The following VAT1L variants were observed in gnomAD, a reference collection of about 807,000 sequenced individuals.
VAT1L encodes the protein vesicle amine transport 1 like, also known as putative NADPH-dependent quinone oxidoreductase VAT1L.
Under a neutral mutation model 44.1 loss-of-function variants are expected in VAT1L, and 34 were observed. That is an observed-to-expected ratio of 0.77 (90% CI 0.59 to 1.03). The LOEUF is 1.03. Among genes scored for constraint, VAT1L ranks in the 50% least tolerant of loss-of-function variants. VAT1L has a pLI of 0.00. For missense variants in VAT1L, 615 were observed against 538.8 expected, an observed-to-expected ratio of 1.14 and a Z score of -1.40; for synonymous variants, 253 against 202.2, an observed-to-expected ratio of 1.25 and a Z score of -2.13.
intron 7 of VAT1L, among the ~76,000 whole-genome samples, chr16:77,904,066 C>A (rs1299041896): frequency 6.6e-6 from 1 of 151,948 alleles, no homozygotes; most frequent in African/African-American, 2.4e-5. Context: ...GCAAAAACCA[C>A]AATGACTTTG....
chr16:77,795,460 G>A (rs1389460791), intron 1 of VAT1L, among the ~76,000 whole-genome samples: 1 of 152,130 alleles, frequency 6.6e-6, no homozygotes, highest in Non-Finnish European at 1.5e-5. Flanking sequence ...ATTTTAATTT[G>A]CTAAAAACCA....
At chr16:77,866,522 G>T (rs1174182288) in intron 4 of VAT1L, among the ~76,000 whole-genome samples, 1 of 151,110 alleles carries the variant, frequency 6.6e-6, no homozygotes, top group African/African-American at 2.4e-5. Context: ...ATATCCAACT[G>T]CCAACATGCG....
rs536505174 is a variant in VAT1L at position 77,860,751 on chromosome 16, A to G, written c.580-1997A>G. ...ATAAAATCTAGAAGGCAGGAGAATT[A>G]AACAAGTATCAATGCTATTCTTAGG... On this transcript the variant is annotated intron_variant, in intron 3 of 8. Transcript: ENST00000302536. Among the ~76,000 whole-genome samples the G allele has an allele frequency of 5.3e-5, 8 of 152,338 alleles. No individual in the cohort carries two copies. The South Asian group carries it at 8.3e-4, about 16-fold the overall frequency.
chr16:77,823,917 G>T (rs1178762014), intron 2 of VAT1L, among the ~76,000 whole-genome samples: 1 of 152,162 alleles, frequency 6.6e-6, no homozygotes, highest in Non-Finnish European at 1.5e-5. Context: ...GAGCTACTTG[G>T]GAGGCTGAGA....
intron 6 of VAT1L, among the ~76,000 whole-genome samples, chr16:77,880,562 T>C (rs1485252866): frequency 7.1e-6 from 1 of 141,592 alleles, no homozygotes; most frequent in East Asian, 2.0e-4. Context: ...CCCATGTTGC[T>C]TTTTTTTTTT....
chr16:77,933,831 G>A (rs902979133), intron 7 of VAT1L, among the ~76,000 whole-genome samples: 5 of 152,230 alleles, frequency 3.3e-5, no homozygotes, highest in Non-Finnish European at 7.3e-5. Context: ...GGTCAGAGAA[G>A]TAGTCAGATG....
intron 7 of VAT1L, among the ~76,000 whole-genome samples, chr16:77,939,134 C>T (rs181958343): frequency 1.3e-3 from 191 of 152,318 alleles, no homozygotes; most frequent in African/African-American, 4.3e-3. Flanking sequence ...AAGTAACCTT[C>T]CTCTGCTAGC....
intron 7 of VAT1L, among the ~76,000 whole-genome samples, chr16:77,889,346 C>G (rs75103291): frequency 0.01 from 1,537 of 152,262 alleles, 12 homozygotes; most frequent in Non-Finnish European, 0.017. Context: ...CTCGGGTTTG[C>G]TTCCAGATAC....
At chr16:77,928,419 G>A (rs1274828637) in intron 7 of VAT1L, among the ~76,000 whole-genome samples, 1 of 152,196 alleles carries the variant, frequency 6.6e-6, no homozygotes, top group Non-Finnish European at 1.5e-5. Flanking sequence ...ATTCAGGGAT[G>A]GAGGGAGATG....
chr16:77,930,268 G>T (rs956096975), intron 7 of VAT1L, among the ~76,000 whole-genome samples: 2 of 152,168 alleles, frequency 1.3e-5, no homozygotes, highest in South Asian at 4.1e-4. Context: ...TCCTGGTCAT[G>T]CATGGCCTCA....
chr16:77,794,138 C>A (rs115343116), intron 1 of VAT1L, among the ~76,000 whole-genome samples: 1 of 152,044 alleles, frequency 6.6e-6, no homozygotes, highest in Non-Finnish European at 1.5e-5. Context: ...GAGAAAGAGA[C>A]AGAGAGACAC....
chr16:77,912,755 T>G (rs1364045391), intron 7 of VAT1L, among the ~76,000 whole-genome samples: 1 of 152,178 alleles, frequency 6.6e-6, no homozygotes, highest in Non-Finnish European at 1.5e-5. Flanking sequence ...AAAGACTGTG[T>G]GCTTAAACAG....
At chr16:77,946,793 T>G (rs549293727) in intron 7 of VAT1L, among the ~76,000 whole-genome samples, 2 of 152,254 alleles carry the variant, frequency 1.3e-5, no homozygotes, top group African/African-American at 4.8e-5. Flanking sequence ...TCCTTGTGAC[T>G]CTAGAGGACC....
rs1303328254 is a variant in VAT1L at position 77,825,524 on chromosome 16, C to G, written c.579+63C>G. The G allele has an allele frequency of 2.1e-5, 31 of 1,506,922 alleles. No homozygotes were observed. In the Admixed American group the frequency reaches 2.8e-4, roughly 13 times the overall value. 93.3% of individuals were successfully genotyped at this position (1,506,922 alleles called of 1,614,324 possible). On this transcript the variant is annotated intron_variant, in intron 3 of 8. Coordinates refer to ENST00000302536, the MANE Select transcript of VAT1L (RefSeq NM_020927.3). ...ATGATGGTGGAAGTGGAGTGACACC[C>G]CCCTGAGGTCTTATGTGAGCTATGT...
intron 7 of VAT1L, among the ~76,000 whole-genome samples, chr16:77,920,927 CTGTGTGTG>C (rs10553687): frequency 2.7e-5 from 4 of 150,788 alleles, no homozygotes; most frequent in East Asian, 2.0e-4. Context: ...TGTCATATGA[CTGTGTGTG>C]TGTGTGTGTG....
chr16:77,978,074 A>G lies in VAT1L; in HGVS notation c.*379A>G, dbSNP rs2142551248. 5.6e-6 allele frequency: 1 copy of G among 177,444 alleles called. No homozygotes were observed. The allele number at this position is 177,444 out of a possible 1,614,324, so 11.0% of individuals were successfully genotyped here. ...AAGGTGTTATCACAGAGCCCTGTCC[A>G]GCTCCTAGAATTCCTCAGGCCAGTG... is the stretch of plus-strand genomic sequence containing the variant. On this transcript the variant is annotated 3_prime_UTR_variant, in exon 9 of 9. Transcript: ENST00000302536.
intron 8 of VAT1L, among the ~76,000 whole-genome samples, chr16:77,976,016 A>G (rs1397849931): frequency 1.3e-5 from 2 of 152,238 alleles, no homozygotes; most frequent in East Asian, 3.8e-4. Flanking sequence ...AGAGAAGATT[A>G]AAAGAACCAA....
intron 1 of VAT1L, among the ~76,000 whole-genome samples, chr16:77,811,511 A>G (rs575157660): frequency 6.6e-6 from 1 of 152,296 alleles, no homozygotes; most frequent in South Asian, 2.1e-4. Flanking sequence ...GGTGGTCAGA[A>G]CTCAAGCTTG....
intron 7 of VAT1L, among the ~76,000 whole-genome samples, chr16:77,929,370 G>C (rs2017703761): frequency 6.6e-6 from 1 of 152,168 alleles, no homozygotes; most frequent in South Asian, 2.1e-4. Flanking sequence ...CTCTGTGCAT[G>C]TGTTTTTAGG....
Sources: allele counts gnomAD v4.1 joint callset (sites outside exome capture counted in the v4.1 genomes callset), GRCh38; gene constraint gnomAD v4.1.1; transcripts MANE v1.5; gene names NCBI Gene and HGNC (gene_info 2026-07-23, HGNC 2026-07-21).